Variants in RIPK3 observed in about 807,000 individuals in gnomAD.
The protein encoded by RIPK3 is receptor-interacting serine/threonine-protein kinase 3.
RIPK3 carries 51 observed loss-of-function variants against 51.6 expected under a neutral mutation model. The observed-to-expected ratio is 0.99, with a 90% confidence interval of 0.79 to 1.25. RIPK3 has a LOEUF of 1.25. Among genes scored for constraint, RIPK3 ranks in the 50% most tolerant of loss-of-function variants. RIPK3 has a pLI of 0.00. For missense variants in RIPK3, 654 were observed against 650.4 expected (o/e 1.01, Z -0.06); for synonymous variants, 246 against 257.7 (o/e 0.95, Z 0.44).
At position 24,339,089 on chromosome 14, in the gene RIPK3, C is replaced by G. The variant is rs373767311; in HGVS notation, c.397G>C (p.Asp133His). ...EVVLGMFYLHDQNPVLLHRDL... is the reference protein window; with the variant it reads ...EVVLGMFYLHHQNPVLLHRDL... ...CGGTGCAGGAGCACCGGGTTCTGGT[C>G]GTGCAGGTAAAACATCCCAAGCACC... The change falls in exon 3 of 10, where the codon GAC (aspartate) becomes CAC (histidine). Residue 133 changes from aspartate to histidine, a missense_variant. Transcript: ENST00000216274. This position sits in a 1 kb window ranked among gnomAD's most constrained non-coding sequence, Gnocchi z 4.0. The G allele has an allele frequency of 4.3e-6, 7 of 1,614,158 alleles. No homozygotes were observed. Among genetic ancestry groups the G allele is most frequent in the Non-Finnish European group, 5.9e-6 (7 of 1,180,030 alleles).
Position 24,339,631 on chromosome 14 carries a change from G to A in RIPK3, c.21-34C>T. On this transcript the variant is annotated intron_variant, in intron 1 of 9. Transcript: ENST00000216274. This position sits in a 1 kb window ranked among gnomAD's most constrained non-coding sequence, Gnocchi z 4.0. ...GGGGTGTCGCCCACTAGCCGGCCGT[G>A]CCGTGCCTCAGCGCTGCTCCCCGCG... 6.2e-7 allele frequency: 1 copy of A among 1,612,852 alleles called. No individual in the cohort carries two copies.
intron 7 of RIPK3, 62 bp downstream of exon 7, chr14:24,337,633 C>T: frequency 6.5e-7 from 1 of 1,537,800 alleles, no homozygotes; most frequent in Non-Finnish European, 9.0e-7. Flanking sequence ...CATTGGATGG[C>T]CAGGTAGCCA....
chr14:24,337,208 C>T lies in RIPK3; in HGVS notation c.1153G>A (p.Ala385Thr), dbSNP rs200189783. 6.2e-7 allele frequency: 1 copy of T among 1,613,780 alleles called. No individual in the cohort carries two copies. Among genetic ancestry groups the T allele is most frequent in the Non-Finnish European group, 8.5e-7 (1 of 1,180,032 alleles). ...GCCATCGAATCTGAAGATGTGCCTGCTGTCCAGGCTTGTGGAACCTGCTCC... is the reference window on the plus strand; with the variant it reads ...GCCATCGAATCTGAAGATGTGCCTGTTGTCCAGGCTTGTGGAACCTGCTCC... ...QEEQVPQAWT[A>T]GTSSDSMAQP... The change falls in exon 8 of 10, where the codon GCA becomes ACA. Residue 385 changes from alanine (A) to threonine (T), a missense_variant. Physicochemically the swap from Ala to Thr is moderately conservative, Grantham distance 58 (BLOSUM62 0). Transcript: ENST00000216274.
chr14:24,337,460 C>A lies in RIPK3; in HGVS notation c.901G>T (p.Val301Leu), dbSNP rs749862807. The A allele has an allele frequency of 3.1e-6, 5 of 1,612,358 alleles. No individual in the cohort carries two copies. Among genetic ancestry groups the A allele is most frequent in the Non-Finnish European group, 4.2e-6 (5 of 1,178,782 alleles). Residue 301 changes from valine (V) to leucine (L), a missense_variant and splice_region_variant, in exon 8 of 10, where the codon GTA becomes TTA. Physicochemically the swap from Val to Leu is conservative, Grantham distance 32. Coordinates refer to ENST00000216274, the MANE Select transcript of RIPK3 (RefSeq NM_006871.4). Reference protein sequence around the residue: ...ENNMNAAVSTVKDFLSQLRSS... With the variant: ...ENNMNAAVSTLKDFLSQLRSS... Reference sequence around the variant, plus strand: ...CTGAGCTGAGACAGGAAATCCTTTACCTGCAGGGATGGGAGGAGTTTGCTG... The same window carrying A: ...CTGAGCTGAGACAGGAAATCCTTTAACTGCAGGGATGGGAGGAGTTTGCTG...
intron 7 of RIPK3, 64 bp from the exon 8 acceptor site, chr14:24,337,524 A>T (rs964334792): frequency 6.2e-7 from 1 of 1,611,166 alleles, no homozygotes; most frequent in South Asian, 1.1e-5. Context: ...CCAAGGGAGT[A>T]GTCTCTCGGT....
In RIPK3 at chr14:24,337,298, C is replaced by G; in HGVS notation, c.1063G>C (p.Glu355Gln). The G allele has an allele frequency of 6.2e-7, 1 of 1,614,068 alleles. No individual in the cohort carries two copies. The highest frequency in any genetic ancestry group is 8.5e-7 in the Non-Finnish European group (1 of 1,180,018). ...TTAGGAACAGAGCTGGGAGGCTCCTCTAGATTCAGTTTGTTTAGCCACTCA... is the reference window on the plus strand; with the variant it reads ...TTAGGAACAGAGCTGGGAGGCTCCTGTAGATTCAGTTTGTTTAGCCACTCA... ...VSEWLNKLNLEEPPSSVPKKC... is the reference protein window; with the variant it reads ...VSEWLNKLNLQEPPSSVPKKC... Residue 355 changes from glutamate (E) to glutamine (Q), a missense_variant, in exon 8 of 10, where the codon GAG becomes CAG. Transcript: ENST00000216274.
Position 24,338,516 on chromosome 14 carries a change from C to G in RIPK3, c.523G>C (p.Gly175Arg), listed in dbSNP as rs956071965. 3.7e-6 allele frequency: 6 copies of G among 1,612,364 alleles called. No individual in the cohort carries two copies. In the Admixed American group the frequency reaches 1.0e-4, roughly 27 times the overall value. Residue 175 changes from glycine to arginine, a missense_variant, in exon 4 of 10, where the codon GGG becomes CGG. Coordinates refer to ENST00000216274, the MANE Select transcript of RIPK3 (RefSeq NM_006871.4). ...AGGGTGCCCCCTGGCTCCCCGGACC[C>G]TGTCCCTGACTGTGAGCCTCCCTGA... ...TFQGGSQSGT[G>R]SGEPGGTLGY...
rs2042171391 is a variant in RIPK3, at chr14:24,339,693, C to A, written c.21-96G>T. Reference sequence around the variant, plus strand: ...CGGCGTTCTCACTGCAATCCCCAGCCTCCCTCGCCGGCCCCCACCGTCCCC... The same window carrying A: ...CGGCGTTCTCACTGCAATCCCCAGCATCCCTCGCCGGCCCCCACCGTCCCC... On this transcript the variant is annotated intron_variant, in intron 1 of 9. Transcript: ENST00000216274. The surrounding 1 kb of genome is among the most constrained non-coding windows in gnomAD (Gnocchi z 4.0). 6.3e-7 allele frequency: 1 copy of A among 1,586,442 alleles called. No individual in the cohort carries two copies. The highest frequency in any genetic ancestry group is 1.3e-5 in the African/African-American group (1 of 74,346).
chr14:24,338,637 G>T, intron 3 of RIPK3, 70 bp from the exon 4 acceptor site: 2 of 1,531,644 alleles, frequency 1.3e-6, no homozygotes, highest in Non-Finnish European at 1.8e-6. Flanking sequence ...GAACCCCCCT[G>T]CCCCCAGAAG....
chr14:24,339,025 A>T lies in RIPK3; in HGVS notation c.461T>A (p.Leu154Gln). Residue 154 changes from leucine to glutamine, a missense_variant, in exon 3 of 10, where the codon CTG (leucine) becomes CAG (glutamine). By Grantham distance (113) the Leu-to-Gln change is moderately radical (BLOSUM62 -2). Transcript: ENST00000216274. This position sits in a 1 kb window ranked among gnomAD's most constrained non-coding sequence, Gnocchi z 4.0. Reference protein sequence around the residue: ...KPSNVLLDPELHVKLADFGLS... With the variant: ...KPSNVLLDPEQHVKLADFGLS... ...TGTAGACCAGCTGACCTTGACGTGC[A>T]GCTCTGGGTCCAGCAGGACGTTGGA... The T allele has an allele frequency of 1.9e-6, 3 of 1,613,856 alleles. No individual in the cohort carries two copies. The highest frequency in any genetic ancestry group is 2.5e-6 in the Non-Finnish European group (3 of 1,179,728).
Position 24,336,053 on chromosome 14 carries a change from G to T in RIPK3, c.*122C>A. 1.0e-6 allele frequency: 1 copy of T among 965,162 alleles called. No individual in the cohort carries two copies. Among genetic ancestry groups the T allele is most frequent in the Non-Finnish European group, 1.5e-6 (1 of 658,032 alleles). 59.8% of individuals were successfully genotyped at this position (965,162 alleles called of 1,614,324 possible). On this transcript the variant is annotated 3_prime_UTR_variant, in exon 10 of 10. Transcript: ENST00000216274. ...CATTCCATCATGTTTATTGACTCCT[G>T]GGGGACAGGTCACAAAGTCAGTTTG...
chr14:24,338,450 T>A lies in RIPK3; in HGVS notation c.589A>T (p.Lys197Ter). 1 of 1,613,586 alleles carries A rather than the reference T, an allele frequency of 6.2e-7. No individual in the cohort carries two copies. Among genetic ancestry groups the A allele is most frequent in the South Asian group, 1.1e-5 (1 of 91,070 alleles). The part of the protein sequence containing the change: ...APELFVNVNR[K>*]ASTASDVYSF... ...TAGACGTCACTGGCTGTGGAGGCCT[T>A]CCGGTTTACGTTAACAAACAGTTCT... Residue 197 changes from lysine to a stop codon, truncating the protein, a stop_gained, in exon 4 of 10, where the codon AAG becomes TAG. Transcript: ENST00000216274. LOFTEE classifies it high-confidence loss of function.
At position 24,338,004 on chromosome 14, in the gene RIPK3, C is replaced by T. The variant is rs760172312; in HGVS notation, c.701G>A (p.Cys234Tyr). The T allele has an allele frequency of 3.1e-6, 5 of 1,614,204 alleles. No individual in the cohort carries two copies. The highest frequency in any genetic ancestry group is 4.2e-6 in the Non-Finnish European group (5 of 1,180,044). Residue 234 changes from cysteine (C) to tyrosine (Y), a missense_variant, in exon 6 of 10, where the codon TGC becomes TAC. Cys to Tyr is a radical substitution (Grantham distance 194, BLOSUM62 -2). Coordinates refer to ENST00000216274, the MANE Select transcript of RIPK3 (RefSeq NM_006871.4). ...CAATGAAGGCCGGTTCTGCCTGTTG[C>T]ACACTGCTTCGTACACGAGTGATGG... ...TEPSLVYEAV[C>Y]NRQNRPSLAE...
Position 24,336,293 on chromosome 14 carries a change from G to A in RIPK3, c.1439C>T (p.Ala480Val). 6.2e-7 allele frequency: 1 copy of A among 1,614,030 alleles called. No individual in the cohort carries two copies. Among genetic ancestry groups the A allele is most frequent in the Non-Finnish European group, 8.5e-7 (1 of 1,180,034 alleles). The change falls in exon 10 of 10, where the codon GCA becomes GTA. Residue 480 changes from alanine (A) to valine (V), a missense_variant. Coordinates refer to ENST00000216274, the MANE Select transcript of RIPK3 (RefSeq NM_006871.4). Reference protein sequence around the residue: ...QTTALPTWGLAPSGKGRGLQH... With the variant: ...QTTALPTWGLVPSGKGRGLQH... Reference sequence around the variant, plus strand: ...CAAGCCCCTCCCCTTGCCCGAAGGTGCCAAGCCCCATGTGGGCAAGGCAGT... The same window carrying A: ...CAAGCCCCTCCCCTTGCCCGAAGGTACCAAGCCCCATGTGGGCAAGGCAGT...
Position 24,339,188 on chromosome 14 carries a change from C to A in RIPK3, c.298G>T (p.Gly100Cys), listed in dbSNP as rs1380906993. ...GACTGCAGCAGCCCCGACAAGGAGC[C>A]GTTCTCCATGAATTTAGTCACCAGA... ...PALVTKFMEN[G>C]SLSGLLQSQC... The change falls in exon 3 of 10, where the codon GGC (glycine) becomes TGC (cysteine). Residue 100 changes from glycine (G) to cysteine (C), a missense_variant. Physicochemically the swap from Gly to Cys is radical, Grantham distance 159. Coordinates refer to ENST00000216274, the MANE Select transcript of RIPK3 (RefSeq NM_006871.4). This position sits in a 1 kb window ranked among gnomAD's most constrained non-coding sequence, Gnocchi z 4.0. 6.2e-7 allele frequency: 1 copy of A among 1,614,260 alleles called. No individual in the cohort carries two copies. The highest frequency in any genetic ancestry group is 1.7e-5 in the Admixed American group (1 of 60,036).
chr14:24,336,250 T>A lies in RIPK3; in HGVS notation c.1482A>T (p.Val494=). Residue 494 remains valine (V), a synonymous_variant, in exon 10 of 10, where the codon GTA becomes GTT. Coordinates refer to ENST00000216274, the MANE Select transcript of RIPK3 (RefSeq NM_006871.4). The part of the protein sequence containing the change: ...KGRGLQHPPP[V]GSQEGPKDPE... ...GATCTTTAGGGCCTTCTTGCGAACC[T>A]ACTGGTGGGGGGTGCTGCAAGCCCC... 1 of 1,614,100 alleles carries A rather than the reference T, an allele frequency of 6.2e-7. No individual in the cohort carries two copies.
chr14:24,337,674 AG>A lies in RIPK3; in HGVS notation c.900+20del. 1 of 1,583,056 alleles carries A rather than the reference AG, an allele frequency of 6.3e-7. No individual in the cohort carries two copies. Among genetic ancestry groups the A allele is most frequent in the Non-Finnish European group, 8.7e-7 (1 of 1,151,906 alleles). On this transcript the variant is annotated intron_variant, in intron 7 of 9. Coordinates refer to ENST00000216274, the MANE Select transcript of RIPK3 (RefSeq NM_006871.4). ...TGCCATCCCTGACCAGCTCCTGGGG[AG>A]GGGTGATGTTGGCACTCACCGTGGA...
rs190355713 is a variant in RIPK3 at position 24,338,869 on chromosome 14, G to T, written c.471+146C>A. 94 of 732,214 alleles carry T rather than the reference G, an allele frequency of 1.3e-4. No individual in the cohort carries two copies. The African/African-American group carries it at 1.5e-3, about 11-fold the overall frequency. The allele number at this position is 732,214 out of a possible 1,614,324, so 45.4% of individuals were successfully genotyped here. The stretch of plus-strand genomic sequence containing the variant: ...GGCAGGAGCTAAAACTCCTGGCTGG[G>T]CTTTGTCCCCTGGCAGCCCTGTGTC... On this transcript the variant is annotated intron_variant, in intron 3 of 9. Transcript: ENST00000216274.
In RIPK3 at chr14:24,338,308, C is replaced by G; in HGVS notation, c.618-13G>C. On this transcript the variant is annotated splice_polypyrimidine_tract_variant and intron_variant, in intron 4 of 9. Transcript: ENST00000216274. Reference sequence around the variant, plus strand: ...TAGGATCCCGAAGCTGCAGGAGACACAAAGCTGAGGATCGGTCCAATCACT... The same window carrying G: ...TAGGATCCCGAAGCTGCAGGAGACAGAAAGCTGAGGATCGGTCCAATCACT... The G allele has an allele frequency of 6.5e-7, 1 of 1,526,794 alleles. No homozygotes were observed. The highest frequency in any genetic ancestry group is 1.3e-5 in the South Asian group (1 of 76,732). 94.6% of individuals were successfully genotyped at this position (1,526,794 alleles called of 1,614,324 possible).
Sources: gnomAD v4.1 joint callset for allele counts on GRCh38, gnomAD v4.1.1 for gene constraint, Gnocchi (gnomAD v3.1) non-coding constraint, MANE v1.5 for transcripts, NCBI Gene and HGNC (gene_info 2026-07-23, HGNC 2026-07-21) for gene names.